NEDD4L: variants seen among roughly 807,000 people sequenced by gnomAD.
NEDD4L encodes the protein NEDD4 like E3 ubiquitin protein ligase.
A neutral mutation model predicts 148.9 loss-of-function variants in NEDD4L; 54 were observed. That is an observed-to-expected ratio of 0.36 (90% confidence interval 0.29 to 0.45). NEDD4L has a LOEUF of 0.45. NEDD4L is among the 20% of genes least tolerant of loss of function. The pLI is 1.00. For synonymous variants in NEDD4L, 433 were observed against 440.7 expected, an observed-to-expected ratio of 0.98 and a Z score of 0.22; for missense variants, 856 against 1,233.8, an observed-to-expected ratio of 0.69 and a Z score of 4.59.
At chr18:58,045,190 C>T (rs1393985825) in intron 1 of NEDD4L, 4 of 398,448 alleles carry the variant, frequency 1.0e-5, no homozygotes, top group African/African-American at 4.1e-5. Context: ...GATCAGCAGG[C>T]GCTCAGAAGC....
At chr18:58,380,404 A>AT (rs2048190803) in intron 24 of NEDD4L, among the ~76,000 whole-genome samples, 2 of 151,306 alleles carry the variant, frequency 1.3e-5, no homozygotes, top group African/African-American at 4.9e-5. Flanking sequence ...GTGCAACCTC[A>AT]GCCCCCTGGG....
chr18:58,256,354 G>A lies in NEDD4L; in HGVS notation c.297+4300G>A, dbSNP rs533674. 1 of 1,232,200 alleles carries A rather than the reference G, an allele frequency of 8.1e-7. No individual in the cohort carries two copies. Among genetic ancestry groups the A allele is most frequent in the Non-Finnish European group, 1.0e-6 (1 of 987,994 alleles). 76.3% of individuals were successfully genotyped at this position (1,232,200 alleles called of 1,614,324 possible). A position where few individuals can be genotyped will look rare whatever the true frequency, so the allele number is the denominator to read the frequency against. On this transcript the variant is annotated intron_variant, in intron 5 of 30. Coordinates refer to ENST00000400345, the MANE Select transcript of NEDD4L (RefSeq NM_001144967.3). This position sits in a 1 kb window ranked among gnomAD's most constrained non-coding sequence, Gnocchi z 5.2. ...TTCCAGATGCTTCTGGAAGCTCTGG[G>A]AAGCGGTGTTTTGTCTTCCAGTTGC... is the stretch of plus-strand genomic sequence containing the variant.
intron 23 of NEDD4L, among the ~76,000 whole-genome samples, chr18:58,371,203 ATTTTTT>A (rs34960405): frequency 3.8e-4 from 35 of 92,968 alleles, no homozygotes; most frequent in South Asian, 1.2e-3. Context: ...TGCCTGGCTA[ATTTTTT>A]TTTTTTTTTT....
At chr18:58,385,418 C>T (rs2048881102) in intron 25 of NEDD4L, 108 bp from the exon 26 acceptor site, 3 of 883,212 alleles carry the variant, frequency 3.4e-6, no homozygotes, top group Non-Finnish European at 5.8e-6. Context: ...AGACCCTCCC[C>T]TCTGCTCTGC....
intron 5 of NEDD4L, among the ~76,000 whole-genome samples, chr18:58,313,942 T>C (rs2057975666): frequency 6.6e-6 from 1 of 152,242 alleles, no homozygotes; most frequent in African/African-American, 2.4e-5. Flanking sequence ...TTGAATAAGA[T>C]TGTCTTGTCC....
chr18:58,169,528 A>AT (rs774274654), intron 2 of NEDD4L, among the ~76,000 whole-genome samples: 68 of 123,528 alleles, frequency 5.5e-4, no homozygotes, highest in Non-Finnish European at 8.8e-4. Context: ...ATGGAATGTG[A>AT]TTTTTTTTCC....
At position 58,330,873 on chromosome 18, in the gene NEDD4L, A is replaced by G. The variant is rs745740597; in HGVS notation, c.949A>G (p.Ile317Val). ...AGAGGAACTAAGCAGAAGGCTTCAG[A>G]TCACTCCAGACTCCAATGGGGAACA... ...LSEELSRRLQ[I>V]TPDSNGEQFS... The change falls in exon 11 of 31, where the codon ATC (isoleucine) becomes GTC (valine). Residue 317 changes from isoleucine (I) to valine (V), a missense_variant. Physicochemically the swap from Ile to Val is conservative, Grantham distance 29 (BLOSUM62 3). Around this residue, in one of 4 missense-constraint regions of NEDD4L, gnomAD observed 367 missense variants for 422.7 expected, o/e 0.87. Transcript: ENST00000400345. 6.2e-7 allele frequency: 1 copy of G among 1,614,000 alleles called. No homozygotes were observed. Among genetic ancestry groups the G allele is most frequent in the South Asian group, 1.1e-5 (1 of 91,082 alleles).
intron 19 of NEDD4L, among the ~76,000 whole-genome samples, chr18:58,363,793 G>A (rs192949334): frequency 7.3e-4 from 111 of 152,256 alleles, no homozygotes; most frequent in African/African-American, 2.6e-3. Flanking sequence ...CTTGATAGGA[G>A]TGTCAGTTCA....
chr18:58,383,442 A>G lies in NEDD4L; in HGVS notation c.2426+123A>G, dbSNP rs2048600781. Reference sequence around the variant, plus strand: ...ATGAGTTTATTGGTCAGTTTTCAACAAGGTAAGTTCTTTTCTGGCTTGGGC... The same window carrying G: ...ATGAGTTTATTGGTCAGTTTTCAACGAGGTAAGTTCTTTTCTGGCTTGGGC... On this transcript the variant is annotated intron_variant, in intron 25 of 30. Transcript: ENST00000400345. 2.7e-5 allele frequency: 17 copies of G among 630,570 alleles called. No homozygotes were observed. The South Asian group carries it at 3.3e-4, about 12-fold the overall frequency. 39.1% of individuals were successfully genotyped at this position (630,570 alleles called of 1,614,324 possible).
intron 1 of NEDD4L, among the ~76,000 whole-genome samples, chr18:58,144,680 A>T (rs2033915792): frequency 6.6e-6 from 1 of 152,124 alleles, no homozygotes; most frequent in Non-Finnish European, 1.5e-5. Flanking sequence ...ACCTGAAACC[A>T]TAGATGAAGA....
chr18:58,076,218 G>C (rs1024936614), intron 1 of NEDD4L, among the ~76,000 whole-genome samples: 1 of 152,168 alleles, frequency 6.6e-6, no homozygotes, highest in African/African-American at 2.4e-5. Flanking sequence ...TGTATTTTGG[G>C]ATTAAGCCAG....
intron 12 of NEDD4L, 125 bp from the exon 13 acceptor site, chr18:58,335,353 T>C: frequency 1.4e-6 from 1 of 721,528 alleles, no homozygotes; most frequent in South Asian, 1.7e-5. Flanking sequence ...CTGGATAGGG[T>C]GGGTTTCAGG....
At chr18:58,063,306 C>G (rs995013792) in intron 1 of NEDD4L, among the ~76,000 whole-genome samples, 1 of 151,918 alleles carries the variant, frequency 6.6e-6, no homozygotes, top group African/African-American at 2.4e-5. Context: ...GTCATCCTGC[C>G]TCAGCTTCCC....
intron 2 of NEDD4L, among the ~76,000 whole-genome samples, chr18:58,179,768 A>G (rs2038620984): frequency 6.6e-6 from 1 of 152,010 alleles, no homozygotes; most frequent in Admixed American, 6.6e-5. Context: ...ATCTAGTTGC[A>G]GGAAAACAAG....
intron 9 of NEDD4L, among the ~76,000 whole-genome samples, chr18:58,325,997 T>C (rs1046394764): frequency 6.6e-6 from 1 of 152,200 alleles, no homozygotes; most frequent in African/African-American, 2.4e-5. Flanking sequence ...TATACAACTT[T>C]CAGTATGTAA....
At chr18:58,049,969 C>T (rs1276623469) in intron 1 of NEDD4L, among the ~76,000 whole-genome samples, 2 of 97,282 alleles carry the variant, frequency 2.1e-5, no homozygotes, top group African/African-American at 4.1e-5. Flanking sequence ...GAGTGAGACC[C>T]TGTCTCCAAA....
intron 1 of NEDD4L, among the ~76,000 whole-genome samples, chr18:58,075,372 C>T (rs976385285): frequency 2.0e-5 from 3 of 152,100 alleles, no homozygotes; most frequent in Admixed American, 2.0e-4. Context: ...AGGCTGGTCT[C>T]GAACTCCTGA....
At chr18:58,143,287 C>A (rs564282874) in intron 1 of NEDD4L, among the ~76,000 whole-genome samples, 1 of 152,248 alleles carries the variant, frequency 6.6e-6, no homozygotes, top group South Asian at 2.1e-4. Context: ...TAACCCTGCA[C>A]CCTCGATCTC....
chr18:58,352,900 A>G (rs983802824), intron 18 of NEDD4L, among the ~76,000 whole-genome samples: 1 of 152,258 alleles, frequency 6.6e-6, no homozygotes, highest in African/African-American at 2.4e-5. Context: ...AGGAGCCAAA[A>G]ACAGAAAAAC....
Sources: gnomAD v4.1 joint callset for allele counts (sites outside exome capture counted in the v4.1 genomes callset) on GRCh38, gnomAD v4.1.1 for gene constraint, gnomAD v4.1.1 regional missense constraint, Gnocchi (gnomAD v3.1) non-coding constraint, MANE v1.5 for transcripts, NCBI Gene and HGNC (gene_info 2026-07-23, HGNC 2026-07-21) for gene names.